Variants in KIF26B observed in about 807,000 individuals in gnomAD.
The protein encoded by KIF26B is kinesin family member 26B.
In KIF26B, 63 loss-of-function variants were observed where a neutral mutation model predicts 151.2. The observed-to-expected ratio is 0.42, with a 90% CI of 0.34 to 0.51. The LOEUF (loss-of-function observed/expected upper bound fraction) is 0.51, where lower values mean the gene tolerates loss of function less well. KIF26B is among the 20% of genes least tolerant of loss of function. The pLI, the probability that KIF26B is intolerant of heterozygous loss-of-function variation, is 0.07. For synonymous variants in KIF26B, 1,357 were observed against 1,262.1 expected (o/e 1.08, Z -1.59); for missense variants, 2,813 against 2,913.6 (o/e 0.97, Z 0.79).
chr1:245,442,170 T>C (rs1025496057), intron 4 of KIF26B, among the ~76,000 whole-genome samples: 2 of 152,150 alleles, frequency 1.3e-5, no homozygotes, highest in Non-Finnish European at 2.9e-5. Flanking sequence ...TTAAGAAACA[T>C]ACCCAGGGCA....
At chr1:245,336,249 C>G (rs1489613432) in intron 2 of KIF26B, among the ~76,000 whole-genome samples, 2 of 152,238 alleles carry the variant, frequency 1.3e-5, no homozygotes, top group Non-Finnish European at 2.9e-5. Context: ...CGGATGCCAT[C>G]TAGAAGAAGC....
At chr1:245,370,483 C>T (rs1443301429) in intron 3 of KIF26B, 2 of 386,642 alleles carry the variant, frequency 5.2e-6, no homozygotes, top group Non-Finnish European at 1.0e-5. Flanking sequence ...CTCAGGTGAA[C>T]ATCCTTTTAC....
At position 245,688,102 on chromosome 1, in the gene KIF26B, GGGA is replaced by G; in HGVS notation, c.5124_5126del (p.Arg1708del). On this transcript the variant is annotated inframe_deletion, in exon 12 of 15. Coordinates refer to ENST00000407071, the MANE Select transcript of KIF26B (RefSeq NM_018012.4). ...CAAGGACGGCACCATGCCCCGCGCG[GGGA>G]GGAGCCTGGGCCGCAGCGCCGGGAC... 4 of 1,556,310 alleles carry G rather than the reference GGGA, an allele frequency of 2.6e-6. No homozygotes were observed. Among genetic ancestry groups the G allele is most frequent in the Non-Finnish European group, 2.6e-6 (3 of 1,153,336 alleles).
chr1:245,416,004 C>T (rs572220488), intron 3 of KIF26B, among the ~76,000 whole-genome samples: 10 of 151,474 alleles, frequency 6.6e-5, no homozygotes, highest in East Asian at 1.9e-4. Flanking sequence ...CGGTGGCTCA[C>T]GCCTGTAATC....
At chr1:245,485,673 C>T (rs886609404) in intron 4 of KIF26B, among the ~76,000 whole-genome samples, 5 of 152,328 alleles carry the variant, frequency 3.3e-5, no homozygotes, top group African/African-American at 7.2e-5. Context: ...CGTGAGCCAC[C>T]GTGCCTGGCC....
At chr1:245,548,569 T>C (rs1661804343) in intron 5 of KIF26B, among the ~76,000 whole-genome samples, 1 of 152,178 alleles carries the variant, frequency 6.6e-6, no homozygotes, top group South Asian at 2.1e-4. Flanking sequence ...TCTTGTCCTG[T>C]CCTCTCATTT....
intron 5 of KIF26B, among the ~76,000 whole-genome samples, chr1:245,556,323 T>C (rs1194051620): frequency 8.1e-4 from 88 of 108,382 alleles, no homozygotes; most frequent in African/African-American, 2.9e-3. Flanking sequence ...CTTCTTCTTC[T>C]TCCTCCTTCT....
At chr1:245,313,212 C>T (rs561261705) in intron 2 of KIF26B, among the ~76,000 whole-genome samples, 1 of 152,252 alleles carries the variant, frequency 6.6e-6, no homozygotes, top group South Asian at 2.1e-4. Context: ...ACTGCACCTG[C>T]CTGCATCAGC....
intron 10 of KIF26B, among the ~76,000 whole-genome samples, chr1:245,673,364 GGCCCAGTCCCCGCTGCGCGCTGCCA>G (rs2044318192): frequency 7.9e-6 from 1 of 126,748 alleles, no homozygotes; most frequent in Non-Finnish European, 1.6e-5. Flanking sequence ...TGCCATCTTA[GGCCCAGTCCCCGCTGCGCGCTGCCA>G]TCTTAGGCCC....
intron 2 of KIF26B, among the ~76,000 whole-genome samples, chr1:245,209,667 T>C (rs759014435): frequency 3.2e-4 from 49 of 152,214 alleles, no homozygotes; most frequent in Non-Finnish European, 5.6e-4. Flanking sequence ...GGTTGAGCAT[T>C]TCAGGGGTAA....
intron 2 of KIF26B, among the ~76,000 whole-genome samples, chr1:245,296,030 A>G (rs1420405944): frequency 6.6e-6 from 1 of 152,170 alleles, no homozygotes; most frequent in Non-Finnish European, 1.5e-5. Flanking sequence ...TGTTGAACAC[A>G]TGACAGACGT....
At chr1:245,212,548 C>T (rs1437999739) in intron 2 of KIF26B, among the ~76,000 whole-genome samples, 1 of 152,206 alleles carries the variant, frequency 6.6e-6, no homozygotes, top group Non-Finnish European at 1.5e-5. Flanking sequence ...CTCTTTGCCC[C>T]CAATCCTACG....
At position 245,705,675 on chromosome 1, in the gene KIF26B, A is replaced by G. The variant is rs2044831442; in HGVS notation, c.*3069A>G. The G allele has an allele frequency of 1.3e-5, 2 of 152,252 alleles. No homozygotes were observed. The highest frequency in any genetic ancestry group is 2.9e-5 in the Non-Finnish European group (2 of 68,050). The allele number at this position is 152,252 out of a possible 1,614,324, so 9.4% of individuals were successfully genotyped here. On this transcript the variant is annotated 3_prime_UTR_variant, in exon 15 of 15. Transcript: ENST00000407071. ...GTCCTCCTCACCCCCTGCTCCAAAT[A>G]TGTGAGGTGGAAGCATTAGCAGCGG...
In KIF26B at chr1:245,606,865, C is replaced by A. The variant is rs143008705; in HGVS notation, c.1558-786C>A. 6.6e-6 allele frequency among the ~76,000 whole-genome samples: 1 copy of A among 152,060 alleles called. No homozygotes were observed. The highest frequency in any genetic ancestry group is 2.4e-5 in the African/African-American group (1 of 41,476). On this transcript the variant is annotated intron_variant, in intron 6 of 14. Coordinates refer to ENST00000407071, the MANE Select transcript of KIF26B (RefSeq NM_018012.4). The surrounding 1 kb of genome is among the most constrained non-coding windows in gnomAD (Gnocchi z 4.6). Reference sequence around the variant, plus strand: ...ATCACCTGAGGTCAGGAGTTTGAGACCAGCCTGACCAACGTGGTGAAACCC... The same window carrying A: ...ATCACCTGAGGTCAGGAGTTTGAGAACAGCCTGACCAACGTGGTGAAACCC...
At chr1:245,291,760 A>G (rs1671256368) in intron 2 of KIF26B, among the ~76,000 whole-genome samples, 1 of 152,196 alleles carries the variant, frequency 6.6e-6, no homozygotes, top group African/African-American at 2.4e-5. Context: ...CTGCGACCTA[A>G]GAGGTGGGTA....
chr1:245,175,677 A>G (rs1361535914), intron 2 of KIF26B, among the ~76,000 whole-genome samples: 5 of 152,176 alleles, frequency 3.3e-5, no homozygotes, highest in Admixed American at 2.6e-4. Context: ...AAGTCCACAC[A>G]TGATTAAAAA....
At chr1:245,587,304 G>A (rs1350965819) in intron 5 of KIF26B, among the ~76,000 whole-genome samples, 2 of 152,148 alleles carry the variant, frequency 1.3e-5, no homozygotes, top group African/African-American at 4.8e-5. Flanking sequence ...TATTATGCTG[G>A]GGTGTTTTTT....
intron 3 of KIF26B, chr1:245,371,810 G>A (rs1160412796): frequency 1.3e-5 from 2 of 152,166 alleles, no homozygotes; most frequent in East Asian, 1.9e-4. Flanking sequence ...AATAGGAATC[G>A]ATCCAGAGAG....
intron 10 of KIF26B, among the ~76,000 whole-genome samples, chr1:245,651,449 G>T (rs566931367): frequency 5.3e-5 from 8 of 152,304 alleles, no homozygotes; most frequent in African/African-American, 1.9e-4. Context: ...TCCCCTCCTT[G>T]CCTGGAGAAG....
Sources: allele counts gnomAD v4.1 joint callset (sites outside exome capture counted in the v4.1 genomes callset), GRCh38; gene constraint gnomAD v4.1.1; non-coding constraint Gnocchi (gnomAD v3.1); transcripts MANE v1.5; gene names NCBI Gene and HGNC (gene_info 2026-07-23, HGNC 2026-07-21).